Variants in RPL13 observed in about 807,000 individuals in gnomAD.
The protein encoded by RPL13 is ribosomal protein L13.
A neutral mutation model predicts 21.4 loss-of-function variants in RPL13; 1 was observed. That is an observed-to-expected ratio of 0.05 (90% CI 0.02 to 0.22). The LOEUF is 0.22. RPL13 is among the 10% of genes least tolerant of loss of function. The probability of loss-of-function intolerance (pLI) is 1.00; values close to 1 mark genes in which losing one functional copy is unlikely to be tolerated. For missense variants in RPL13, 289 were observed against 303.0 expected, an observed-to-expected ratio of 0.95 and a Z score of 0.34; for synonymous variants, 143 against 120.5, an observed-to-expected ratio of 1.19 and a Z score of -1.23.
Position 89,561,354 on chromosome 16 carries a change from C to T in RPL13, c.232C>T (p.Leu78=), listed in dbSNP as rs11546503. Residue 78 remains leucine, a synonymous_variant, in exon 3 of 6, where the codon CTG becomes TTG. Coordinates refer to ENST00000311528, the MANE Select transcript of RPL13 (RefSeq NM_000977.4). ...TKVRAGRGFS[L]EELRVAGIHK... ...GGTGCGCGCCGGCCGCGGCTTCAGC[C>T]TGGAGGAGCTCAGGGTGAGTACTGG... The T allele has an allele frequency of 5.0e-6, 8 of 1,606,604 alleles. No individual in the cohort carries two copies. Among genetic ancestry groups the T allele is most frequent in the Non-Finnish European group, 6.8e-6 (8 of 1,179,544 alleles).
intron 1 of RPL13, 70 bp from the exon 2 acceptor site, chr16:89,560,870 C>G (rs1484501597): frequency 8.5e-7 from 1 of 1,177,134 alleles, no homozygotes; most frequent in African/African-American, 1.6e-5. Flanking sequence ...CTGGAGGGTT[C>G]GGGGCGGAGG....
intron 5 of RPL13, 45 bp downstream of exon 5, chr16:89,562,436 GGGT>G: frequency 1.3e-6 from 2 of 1,581,192 alleles, no homozygotes; most frequent in Non-Finnish European, 1.7e-6. Context: ...CGAGATCAGT[GGGT>G]GAACACGTGG....
intron 5 of RPL13, 138 bp downstream of exon 5, chr16:89,562,529 G>T: frequency 6.7e-6 from 5 of 743,652 alleles, no homozygotes; most frequent in Non-Finnish European, 1.1e-5. Context: ...TTGCGGAAAG[G>T]AACATTTCTT....
Position 89,562,382 on chromosome 16 carries a change from C to A in RPL13, c.468C>A (p.Pro156=). The change falls in exon 5 of 6, where the codon CCC becomes CCA. Residue 156 remains proline (P), a synonymous_variant. Coordinates refer to ENST00000311528, the MANE Select transcript of RPL13 (RefSeq NM_000977.4). Reference sequence around the variant, plus strand: ...CCCAGCTGACCGGACCGGTCATGCCCGTCCGGAACGTAAGTGAACACTTAC... The same window carrying A: ...CCCAGCTGACCGGACCGGTCATGCCAGTCCGGAACGTAAGTGAACACTTAC... The part of the protein sequence containing the change: ...LATQLTGPVM[P]VRNVYKKEKA... 6.2e-7 allele frequency: 1 copy of A among 1,611,746 alleles called. No homozygotes were observed. The highest frequency in any genetic ancestry group is 8.5e-7 in the Non-Finnish European group (1 of 1,179,518).
At chr16:89,561,870 A>T in intron 4 of RPL13, 119 bp downstream of exon 4, 1 of 1,121,216 alleles carries the variant, frequency 8.9e-7, no homozygotes, top group Non-Finnish European at 1.3e-6. Context: ...ATTGTGGGTG[A>T]TGAGCTAAGC....
intron 2 of RPL13, 40 bp from the exon 3 acceptor site, chr16:89,561,187 C>G (rs757136774): frequency 6.6e-7 from 1 of 1,521,254 alleles, no homozygotes; most frequent in South Asian, 1.2e-5. Flanking sequence ...GCCTGGCGGC[C>G]TTAGGCAAGG....
In RPL13 at chr16:89,562,866, C is replaced by A; in HGVS notation, c.478-18C>A. On this transcript the variant is annotated intron_variant, in intron 5 of 5. Coordinates refer to ENST00000311528, the MANE Select transcript of RPL13 (RefSeq NM_000977.4). ...CCTTTGGTGCATGTGGGTTTAACAACCTGTCTTTCTCTTCTAGGTCTATAA... is the reference window on the plus strand; with the variant it reads ...CCTTTGGTGCATGTGGGTTTAACAAACTGTCTTTCTCTTCTAGGTCTATAA... 1 of 1,521,038 alleles carries A rather than the reference C, an allele frequency of 6.6e-7. No individual in the cohort carries two copies. Among genetic ancestry groups the A allele is most frequent in the Non-Finnish European group, 8.8e-7 (1 of 1,136,782 alleles). The allele number at this position is 1,521,038 out of a possible 1,614,324, so 94.2% of individuals were successfully genotyped here. A position where few individuals can be genotyped will look rare whatever the true frequency, so the allele number is the denominator to read the frequency against.
rs1211059363 is a variant in RPL13 at position 89,563,167 on chromosome 16, G to T, written c.*125G>T. On this transcript the variant is annotated 3_prime_UTR_variant, in exon 6 of 6. Coordinates refer to ENST00000311528, the MANE Select transcript of RPL13 (RefSeq NM_000977.4). Reference sequence around the variant, plus strand: ...TGACTTCCTCCTGCCAGGGGATTTGGGGCTTTCTTGAAAGACAGTCCAAGC... The same window carrying T: ...TGACTTCCTCCTGCCAGGGGATTTGTGGCTTTCTTGAAAGACAGTCCAAGC... 5.2e-6 allele frequency: 5 copies of T among 957,984 alleles called. No homozygotes were observed. Among genetic ancestry groups the T allele is most frequent in the Non-Finnish European group, 7.2e-6 (5 of 695,812 alleles). 59.3% of individuals were successfully genotyped at this position (957,984 alleles called of 1,614,324 possible). A position where few individuals can be genotyped will look rare whatever the true frequency, so the allele number is the denominator to read the frequency against.
intron 1 of RPL13, 81 bp downstream of exon 1, chr16:89,560,793 G>A: frequency 1.8e-6 from 1 of 560,666 alleles, no homozygotes; most frequent in Non-Finnish European, 3.1e-6. Context: ...GAGTGGATGG[G>A]CCCCTTCTTC....
chr16:89,563,111 C>T lies in RPL13; in HGVS notation c.*69C>T. 1 of 1,369,808 alleles carries T rather than the reference C, an allele frequency of 7.3e-7. No homozygotes were observed. Among genetic ancestry groups the T allele is most frequent in the Non-Finnish European group, 9.5e-7 (1 of 1,047,628 alleles). 84.9% of individuals were successfully genotyped at this position (1,369,808 alleles called of 1,614,324 possible). The stretch of plus-strand genomic sequence containing the variant: ...CTCCACGTGGTGTGTTTCGTGGGAA[C>T]AACTGGGCCTGGGATGGGGCTTCAC... On this transcript the variant is annotated 3_prime_UTR_variant, in exon 6 of 6. Coordinates refer to ENST00000311528, the MANE Select transcript of RPL13 (RefSeq NM_000977.4).
chr16:89,560,991 A>G lies in RPL13; in HGVS notation c.32A>G (p.Lys11Arg). 6.2e-7 allele frequency: 1 copy of G among 1,607,554 alleles called. No individual in the cohort carries two copies. Among genetic ancestry groups the G allele is most frequent in the South Asian group, 1.1e-5 (1 of 90,446 alleles). The change falls in exon 2 of 6, where the codon AAG becomes AGG. Residue 11 changes from lysine (K) to arginine (R), a missense_variant. By Grantham distance (26) the Lys-to-Arg change is conservative (BLOSUM62 2). Transcript: ENST00000311528. MAPSRNGMVL[K>R]PHFHKDWQRR... ...CCCAGCCGGAATGGCATGGTCTTGAAGCCCCACTTCCACAAGGACTGGCAG... is the reference window on the plus strand; with the variant it reads ...CCCAGCCGGAATGGCATGGTCTTGAGGCCCCACTTCCACAAGGACTGGCAG...
In RPL13 at chr16:89,563,947, C is replaced by T. The variant is rs2152415077; in HGVS notation, c.*905C>T. On this transcript the variant is annotated 3_prime_UTR_variant, in exon 6 of 6. Transcript: ENST00000311528. ...AAACATTCTAAAGCCATTGTTCTTG[C>T]TTCATGGACAAGAGGCAGCCAGAGA... 1 of 152,318 alleles carries T rather than the reference C, an allele frequency of 6.6e-6. No individual in the cohort carries two copies. Among genetic ancestry groups the T allele is most frequent in the Middle Eastern group, 3.4e-3 (1 of 294 alleles). 9.4% of individuals were successfully genotyped at this position (152,318 alleles called of 1,614,324 possible).
Position 89,563,110 on chromosome 16 carries a change from A to G in RPL13, c.*68A>G. On this transcript the variant is annotated 3_prime_UTR_variant, in exon 6 of 6. Coordinates refer to ENST00000311528, the MANE Select transcript of RPL13 (RefSeq NM_000977.4). ...TCTCCACGTGGTGTGTTTCGTGGGAACAACTGGGCCTGGGATGGGGCTTCA... is the reference window on the plus strand; with the variant it reads ...TCTCCACGTGGTGTGTTTCGTGGGAGCAACTGGGCCTGGGATGGGGCTTCA... The G allele has an allele frequency of 7.3e-7, 1 of 1,374,248 alleles. No individual in the cohort carries two copies. Among genetic ancestry groups the G allele is most frequent in the Non-Finnish European group, 9.5e-7 (1 of 1,051,158 alleles). The allele number at this position is 1,374,248 out of a possible 1,614,324, so 85.1% of individuals were successfully genotyped here. A position where few individuals can be genotyped will look rare whatever the true frequency, so the allele number is the denominator to read the frequency against.
intron 3 of RPL13, 64 bp downstream of exon 3, chr16:89,561,432 C>T (rs1375030865): frequency 1.9e-6 from 3 of 1,612,358 alleles, no homozygotes; most frequent in Admixed American, 1.7e-5. Context: ...GCCTCAGTCG[C>T]GTGATGACAT....
intron 3 of RPL13, 27 bp downstream of exon 3, chr16:89,561,395 A>C (rs1054695979): frequency 6.2e-7 from 1 of 1,611,444 alleles, no homozygotes; most frequent in Non-Finnish European, 8.5e-7. Context: ...CTGCGGTGTC[A>C]GGAAGGCCCC....
intron 3 of RPL13, 78 bp from the exon 4 acceptor site, chr16:89,561,499 AT>A: frequency 6.2e-7 from 1 of 1,612,300 alleles, no homozygotes; most frequent in Non-Finnish European, 8.5e-7. Flanking sequence ...TTTCCATCTG[AT>A]TGCTGAGGCT....
chr16:89,565,910 A>C (rs1047294022), downstream of RPL13: 4 of 141,170 alleles, frequency 2.8e-5, no homozygotes, highest in Non-Finnish European at 6.6e-5. Context: ...CAAGCTGTGA[A>C]GCCTGAGAAA....
Position 89,561,361 on chromosome 16 carries a change from A to G in RPL13, c.239A>G (p.Glu80Gly). The G allele has an allele frequency of 6.2e-7, 1 of 1,607,420 alleles. No homozygotes were observed. Among genetic ancestry groups the G allele is most frequent in the Non-Finnish European group, 8.5e-7 (1 of 1,179,674 alleles). The change falls in exon 3 of 6, where the codon GAG becomes GGG. Residue 80 changes from glutamate to glycine, a missense_variant. By Grantham distance (98) the Glu-to-Gly change is moderately conservative. Transcript: ENST00000311528. ...VRAGRGFSLE[E>G]LRVAGIHKKV... is the part of the protein sequence containing the mutation. ...GCCGGCCGCGGCTTCAGCCTGGAGG[A>G]GCTCAGGGTGAGTACTGGCAGCGCT...
At chr16:89,562,682 C>T (rs888608536) in intron 5 of RPL13, 61 of 580,182 alleles carry the variant, frequency 1.1e-4, no homozygotes, top group East Asian at 1.7e-4. Context: ...AGGCTTGAGC[C>T]GCCATGTCCA....
Sources: allele counts gnomAD v4.1 joint callset, GRCh38; gene constraint gnomAD v4.1.1; transcripts MANE v1.5; gene names NCBI Gene and HGNC (gene_info 2026-07-23, HGNC 2026-07-21).